Variants in VPS13B observed in about 807,000 individuals in gnomAD.
VPS13B encodes the protein vacuolar protein sorting 13 homolog B, also known as intermembrane lipid transfer protein VPS13B.
In VPS13B, 285 loss-of-function variants were observed where a neutral mutation model predicts 426.4. That is an observed-to-expected ratio of 0.67 (90% CI 0.61 to 0.74). The LOEUF (loss-of-function observed/expected upper bound fraction) is 0.74, where lower values mean the gene tolerates loss of function less well. Ranked by LOEUF, VPS13B falls within the 30% of genes least tolerant of loss-of-function variation. The probability of loss-of-function intolerance (pLI) is 0.00; values close to 1 mark genes in which losing one functional copy is unlikely to be tolerated. For missense variants in VPS13B, 4,537 were observed against 4,782.6 expected, an observed-to-expected ratio of 0.95 and a Z score of 1.51; for synonymous variants, 1,676 against 1,676.4, an observed-to-expected ratio of 1.00 and a Z score of 0.01.
chr8:99,245,466 T>C (rs1292486325), intron 17 of VPS13B, among the ~76,000 whole-genome samples: 1 of 152,250 alleles, frequency 6.6e-6, no homozygotes, highest in East Asian at 1.9e-4. Flanking sequence ...AATGAACTTG[T>C]CAATAATTCT....
At chr8:99,672,152 G>A (rs930116781) in intron 35 of VPS13B, among the ~76,000 whole-genome samples, 2 of 152,074 alleles carry the variant, frequency 1.3e-5, no homozygotes, top group African/African-American at 4.8e-5. Context: ...TTCTATTTCT[G>A]TGAAGAATGT....
intron 4 of VPS13B, among the ~76,000 whole-genome samples, chr8:99,097,520 C>T (rs1183799838): frequency 6.6e-6 from 1 of 152,016 alleles, no homozygotes; most frequent in Non-Finnish European, 1.5e-5. Context: ...GGAAGATGAG[C>T]TCTAATGAAC....
intron 23 of VPS13B, among the ~76,000 whole-genome samples, chr8:99,458,607 C>T (rs1818650145): frequency 6.6e-6 from 1 of 152,108 alleles, no homozygotes; most frequent in South Asian, 2.1e-4. Context: ...TAATGATTGC[C>T]ATTCTAACTG....
At chr8:99,314,036 G>C (rs1357136666) in intron 19 of VPS13B, among the ~76,000 whole-genome samples, 1 of 152,146 alleles carries the variant, frequency 6.6e-6, no homozygotes, top group Non-Finnish European at 1.5e-5. Flanking sequence ...AGTAGGGTGG[G>C]AGTGTCCTGA....
chr8:99,760,856 A>G (rs188689002), intron 39 of VPS13B, among the ~76,000 whole-genome samples: 21 of 152,328 alleles, frequency 1.4e-4, no homozygotes, highest in African/African-American at 3.6e-4. Flanking sequence ...AACTATTTAC[A>G]TAGTATTTAC....
At chr8:99,365,651 G>A (rs1251882143) in intron 19 of VPS13B, among the ~76,000 whole-genome samples, 1 of 151,150 alleles carries the variant, frequency 6.6e-6, no homozygotes, top group African/African-American at 2.4e-5. Context: ...CGAGTAGCTG[G>A]GACTACAGGT....
rs544212717 is a variant in VPS13B at position 99,202,997 on chromosome 8, C to T, written c.2515+9940C>T. On this transcript the variant is annotated intron_variant, in intron 17 of 61. Coordinates refer to ENST00000357162, the MANE Select transcript of VPS13B (RefSeq NM_152564.5). ...TGCAGTGGAGCTTGCAGCTTGGAGC[C>T]GAGATCACGCCACTGCACTCCAGCC... Among the ~76,000 whole-genome samples the T allele has an allele frequency of 9.9e-5, 15 of 150,828 alleles. 1 individual carries two copies. The highest frequency in any genetic ancestry group is 1.7e-4 in the African/African-American group (7 of 40,994).
At chr8:99,696,230 C>A in intron 35 of VPS13B, 1 of 188,868 alleles carries the variant, frequency 5.3e-6, no homozygotes. Context: ...AGAGAAGTCC[C>A]TCAAGTCCTT....
At chr8:99,220,780 C>T (rs78606632) in intron 17 of VPS13B, among the ~76,000 whole-genome samples, 150 of 112,848 alleles carry the variant, frequency 1.3e-3, no homozygotes, top group African/African-American at 1.7e-3. Flanking sequence ...TAGTTTTATT[C>T]TTTTTTTTTT....
chr8:99,574,289 T>C (rs975098408), intron 31 of VPS13B, among the ~76,000 whole-genome samples: 1 of 152,212 alleles, frequency 6.6e-6, no homozygotes, highest in African/African-American at 2.4e-5. Flanking sequence ...GAATATCCTT[T>C]ATTTCTTTCT....
intron 37 of VPS13B, among the ~76,000 whole-genome samples, chr8:99,719,998 C>A (rs993759960): frequency 5.9e-5 from 9 of 152,058 alleles, no homozygotes; most frequent in Admixed American, 5.9e-4. Flanking sequence ...AACATTTTGG[C>A]CTAGAGGATC....
intron 17 of VPS13B, among the ~76,000 whole-genome samples, chr8:99,256,548 C>G (rs758915115): frequency 6.6e-6 from 1 of 152,084 alleles, no homozygotes; most frequent in Admixed American, 6.6e-5. Flanking sequence ...TCCTGGATAT[C>G]ATCTGTTATT....
rs543591117 is a variant in VPS13B, at chr8:99,643,191, C to T, written c.5908+693C>T. On this transcript the variant is annotated intron_variant, in intron 34 of 61. Transcript: ENST00000357162. Reference sequence around the variant, plus strand: ...TGGAGTCAAGCAAGGTGACAGTATACCCTTTCCCTGAGTTAATGTAGATTT... The same window carrying T: ...TGGAGTCAAGCAAGGTGACAGTATATCCTTTCCCTGAGTTAATGTAGATTT... Among the ~76,000 whole-genome samples, 10 of 152,216 alleles carry T rather than the reference C, an allele frequency of 6.6e-5. No individual in the cohort carries two copies. The South Asian group carries it at 2.1e-3, about 32-fold the overall frequency.
At chr8:99,450,022 C>G (rs945162636) in intron 23 of VPS13B, among the ~76,000 whole-genome samples, 1 of 152,088 alleles carries the variant, frequency 6.6e-6, no homozygotes, top group Non-Finnish European at 1.5e-5. Context: ...CCAGGATGAT[C>G]TTGATTTCTT....
intron 3 of VPS13B, among the ~76,000 whole-genome samples, chr8:99,054,464 C>A (rs1843727618): frequency 6.6e-6 from 1 of 152,190 alleles, no homozygotes; most frequent in Non-Finnish European, 1.5e-5. Flanking sequence ...AGAGTAGGTC[C>A]TTAGCAGATT....
intron 33 of VPS13B, among the ~76,000 whole-genome samples, chr8:99,640,056 GAAAAGAA>G (rs1563838940): frequency 0.016 from 1,513 of 94,958 alleles, 22 homozygotes; most frequent in Non-Finnish European, 0.018. Flanking sequence ...GAAGAGAAAA[GAAAAGAA>G]AAGAAAAGAA....
At position 99,868,331 on chromosome 8, in the gene VPS13B, A is replaced by G. The variant is rs2130962947; in HGVS notation, c.11258A>G (p.Gln3753Arg). Residue 3753 changes from glutamine (Q) to arginine (R), a missense_variant, in exon 59 of 62, where the codon CAG becomes CGG. Coordinates refer to ENST00000357162, the MANE Select transcript of VPS13B (RefSeq NM_152564.5). Reference protein sequence around the residue: ...GIVDQPMQNFQKTSEAQASAG... With the variant: ...GIVDQPMQNFRKTSEAQASAG... ...GTTGATCAGCCGATGCAGAACTTCC[A>G]GAAAACATCTGAGGCACAGGCTTCA... 6.2e-7 allele frequency: 1 copy of G among 1,614,194 alleles called. No homozygotes were observed. The highest frequency in any genetic ancestry group is 1.3e-5 in the African/African-American group (1 of 75,048).
At chr8:99,725,387 G>T (rs1833300907) in intron 39 of VPS13B, among the ~76,000 whole-genome samples, 2 of 152,292 alleles carry the variant, frequency 1.3e-5, no homozygotes, top group South Asian at 4.1e-4. Context: ...ATGAGCAGGG[G>T]CATTACATTT....
intron 21 of VPS13B, among the ~76,000 whole-genome samples, chr8:99,416,577 G>A (rs550085890): frequency 4.6e-5 from 7 of 152,316 alleles, no homozygotes; most frequent in South Asian, 2.1e-4. Context: ...CCAGGTCTGC[G>A]GGTTGTGAAG....
Sources: allele counts gnomAD v4.1 joint callset (sites outside exome capture counted in the v4.1 genomes callset), GRCh38; gene constraint gnomAD v4.1.1; transcripts MANE v1.5; gene names NCBI Gene and HGNC (gene_info 2026-07-23, HGNC 2026-07-21).